Variants in SLC25A21 observed in about 807,000 individuals in gnomAD.
SLC25A21 encodes the protein mitochondrial 2-oxodicarboxylate carrier.
SLC25A21 carries 47 observed loss-of-function variants against 43.8 expected under a neutral mutation model. That is an observed-to-expected ratio of 1.07 (90% CI 0.85 to 1.37). SLC25A21 has a LOEUF of 1.37. Among genes scored for constraint, SLC25A21 ranks in the 40% most tolerant of loss-of-function variants. The pLI, the probability that SLC25A21 is intolerant of heterozygous loss-of-function variation, is 0.00. For synonymous variants in SLC25A21, 131 were observed against 121.3 expected, an observed-to-expected ratio of 1.08 and a Z score of -0.52; for missense variants, 352 against 350.2, an observed-to-expected ratio of 1.00 and a Z score of -0.04.
intron 1 of SLC25A21, among the ~76,000 whole-genome samples, chr14:36,960,795 T>C (rs769344997): frequency 3.4e-4 from 52 of 152,096 alleles, no homozygotes; most frequent in Non-Finnish European, 1.2e-4. Context: ...AAAAAGAAAG[T>C]CCAAGGGAAC....
chr14:37,002,423 C>A (rs1219433306), intron 1 of SLC25A21, among the ~76,000 whole-genome samples: 3 of 152,156 alleles, frequency 2.0e-5, no homozygotes, highest in Admixed American at 6.6e-5. Flanking sequence ...ACTAACCCTA[C>A]CAGCTTTATC....
At chr14:36,881,132 C>T (rs749347302) in intron 1 of SLC25A21, among the ~76,000 whole-genome samples, 1 of 152,200 alleles carries the variant, frequency 6.6e-6, no homozygotes, top group Non-Finnish European at 1.5e-5. Flanking sequence ...TCTAGTCTTA[C>T]ATGACTGCTT....
rs556883249 is a variant in SLC25A21, at chr14:36,981,605, G to A, written c.71-106601C>T. On this transcript the variant is annotated intron_variant, in intron 1 of 9. Transcript: ENST00000331299. ...TCGCAAGGACAGAAAACCAAACACC[G>A]CGTGTTCTCACTCATAGGTGGGAAT... 2.0e-4 allele frequency among the ~76,000 whole-genome samples: 31 copies of A among 152,166 alleles called. No individual in the cohort carries two copies. In the East Asian group the frequency reaches 5.1e-3, roughly 25 times the overall value.
chr14:37,166,576 C>T (rs1964033769), intron 1 of SLC25A21, among the ~76,000 whole-genome samples: 1 of 152,170 alleles, frequency 6.6e-6, no homozygotes, highest in African/African-American at 2.4e-5. Flanking sequence ...AGTGTTAACA[C>T]ATGTAAAGCT....
intron 3 of SLC25A21, among the ~76,000 whole-genome samples, chr14:36,768,943 A>G (rs915476101): frequency 8.9e-5 from 13 of 145,452 alleles, no homozygotes; most frequent in Non-Finnish European, 1.6e-4. Flanking sequence ...CAAAAAAAAA[A>G]AAAACAAAAA....
intron 3 of SLC25A21, among the ~76,000 whole-genome samples, chr14:36,741,068 A>G (rs147175568): frequency 4.3e-4 from 65 of 152,280 alleles, no homozygotes; most frequent in Admixed American, 3.7e-3. Context: ...GAAACTAAAA[A>G]GGAGTGGAAA....
intron 3 of SLC25A21, among the ~76,000 whole-genome samples, chr14:36,812,271 A>C (rs1197073295): frequency 6.6e-6 from 1 of 152,090 alleles, no homozygotes; most frequent in Non-Finnish European, 1.5e-5. Flanking sequence ...ATAATGATTT[A>C]TAATGTATTT....
intron 7 of SLC25A21, among the ~76,000 whole-genome samples, chr14:36,693,450 A>G (rs1882879194): frequency 6.6e-6 from 1 of 152,138 alleles, no homozygotes; most frequent in African/African-American, 2.4e-5. Context: ...AAAAATTATC[A>G]TCATGGGCTT....
chr14:36,847,026 A>G (rs1406946674), intron 2 of SLC25A21, among the ~76,000 whole-genome samples: 3 of 152,214 alleles, frequency 2.0e-5, no homozygotes, highest in Admixed American at 1.3e-4. Flanking sequence ...ATTCTACTCA[A>G]TGTGAATGTT....
At chr14:37,061,349 T>C (rs996027996) in intron 1 of SLC25A21, among the ~76,000 whole-genome samples, 8 of 152,232 alleles carry the variant, frequency 5.3e-5, no homozygotes, top group African/African-American at 1.7e-4. Context: ...CTCTTTCTTG[T>C]AGACCACCCA....
At chr14:36,919,449 A>T (rs1425419777) in intron 1 of SLC25A21, among the ~76,000 whole-genome samples, 2 of 152,168 alleles carry the variant, frequency 1.3e-5, no homozygotes, top group Middle Eastern at 3.4e-3. Flanking sequence ...TGACATTTGG[A>T]TAAAATATTG....
Position 37,063,382 on chromosome 14 carries a change from C to A in SLC25A21, c.70+108899G>T, listed in dbSNP as rs547803048. On this transcript the variant is annotated intron_variant, in intron 1 of 9. Transcript: ENST00000331299. ...AGGCCTGGTGGCTTGAGACTGTAAT[C>A]TCAGCTATTCGGGAGGCTGAGGCAG... 2.0e-5 allele frequency among the ~76,000 whole-genome samples: 3 copies of A among 152,144 alleles called. No individual in the cohort carries two copies. In the East Asian group the frequency reaches 5.8e-4, roughly 29 times the overall value.
At chr14:36,751,014 C>T (rs999263736) in intron 3 of SLC25A21, among the ~76,000 whole-genome samples, 6 of 152,116 alleles carry the variant, frequency 3.9e-5, no homozygotes, top group East Asian at 3.9e-4. Flanking sequence ...CGAAGATGGG[C>T]GGGCTAGAGG....
At chr14:37,025,289 C>T (rs757722882) in intron 1 of SLC25A21, among the ~76,000 whole-genome samples, 4 of 152,084 alleles carry the variant, frequency 2.6e-5, no homozygotes, top group African/African-American at 7.2e-5. Context: ...TAGCTCCACC[C>T]GTATCTAATC....
At chr14:36,684,119 G>A (rs549687641) in intron 8 of SLC25A21, among the ~76,000 whole-genome samples, 4 of 152,318 alleles carry the variant, frequency 2.6e-5, no homozygotes, top group Admixed American at 2.6e-4. Context: ...ACTTTCATCA[G>A]TGAGATGGTT....
At chr14:36,731,219 C>T (rs113883846) in intron 4 of SLC25A21, among the ~76,000 whole-genome samples, 170 of 152,248 alleles carry the variant, frequency 1.1e-3, no homozygotes, top group African/African-American at 3.9e-3. Context: ...GTGATCCGAC[C>T]GCCTCGGCCT....
intron 1 of SLC25A21, among the ~76,000 whole-genome samples, chr14:37,049,683 C>T (rs190393056): frequency 0.04 from 6,106 of 152,012 alleles, 393 homozygotes; most frequent in African/African-American, 0.14. Context: ...TATGTAAGTC[C>T]ATATTTGTAA....
At chr14:36,811,422 G>C (rs1039543430) in intron 3 of SLC25A21, among the ~76,000 whole-genome samples, 3 of 152,050 alleles carry the variant, frequency 2.0e-5, no homozygotes, top group African/African-American at 7.2e-5. Flanking sequence ...AGGCCGAGGA[G>C]GGTGGATCAC....
intron 2 of SLC25A21, among the ~76,000 whole-genome samples, chr14:36,836,476 CT>C (rs911562515): frequency 2.0e-5 from 3 of 152,184 alleles, no homozygotes; most frequent in African/African-American, 7.2e-5. Context: ...CCCATGGTGT[CT>C]TTACATTTCA....
Sources: gnomAD v4.1 joint callset for allele counts (sites outside exome capture counted in the v4.1 genomes callset) on GRCh38, gnomAD v4.1.1 for gene constraint, MANE v1.5 for transcripts, NCBI Gene and HGNC (gene_info 2026-07-23, HGNC 2026-07-21) for gene names.